ABHD2: variants seen among roughly 807,000 people sequenced by gnomAD.
ABHD2 encodes the protein abhydrolase domain containing 2, acylglycerol lipase, also known as monoacylglycerol lipase ABHD2.
In ABHD2, 20 loss-of-function variants were observed where a neutral mutation model predicts 48.1. The observed-to-expected ratio is 0.42, with a 90% CI of 0.29 to 0.60. The LOEUF (loss-of-function observed/expected upper bound fraction) is 0.60. ABHD2 is among the 20% of genes least tolerant of loss of function. The pLI is 0.24. For synonymous variants in ABHD2, 209 were observed against 214.2 expected, an observed-to-expected ratio of 0.98 and a Z score of 0.21; for missense variants, 405 against 550.9, an observed-to-expected ratio of 0.74 and a Z score of 2.65.
At position 89,181,042 on chromosome 15, in the gene ABHD2, A is replaced by G. The variant is rs1427976211; in HGVS notation, c.723-4382A>G. ...GGAGTTTGAGACCAGCCTGACCAACATGGTGAAACACCACCTCTACTAGAA... is the reference window on the plus strand; with the variant it reads ...GGAGTTTGAGACCAGCCTGACCAACGTGGTGAAACACCACCTCTACTAGAA... On this transcript the variant is annotated intron_variant, in intron 6 of 10. Transcript: ENST00000352732. Among the ~76,000 whole-genome samples the G allele has an allele frequency of 3.3e-5, 5 of 152,062 alleles. No individual in the cohort carries two copies. In the South Asian group the frequency reaches 6.2e-4, roughly 19 times the overall value.
rs1191183729 is a variant in ABHD2, at chr15:89,168,379, C to T, written c.539-7433C>T. Among the ~76,000 whole-genome samples the T allele has an allele frequency of 1.3e-5, 2 of 152,214 alleles. No homozygotes were observed. Among genetic ancestry groups the T allele is most frequent in the African/African-American group, 4.8e-5 (2 of 41,466 alleles). On this transcript the variant is annotated intron_variant, in intron 5 of 10. Coordinates refer to ENST00000352732, the MANE Select transcript of ABHD2 (RefSeq NM_152924.5). The surrounding 1 kb of genome is among the most constrained non-coding windows in gnomAD (Gnocchi z 4.8). ...AAATACATAGAGCCTCATTTAAAAA[C>T]AGATTAATGTAGCTGTTAGTAATAA... is the stretch of plus-strand genomic sequence containing the variant.
At chr15:89,165,192 G>A (rs1022459379) in intron 5 of ABHD2, among the ~76,000 whole-genome samples, 2 of 152,154 alleles carry the variant, frequency 1.3e-5, no homozygotes, top group Non-Finnish European at 2.9e-5. Flanking sequence ...CACGCCTCCA[G>A]CTCAAAGCCA....
chr15:89,049,496 C>A, the ABHD2 span, among the ~76,000 whole-genome samples: 1 of 152,210 alleles, frequency 6.6e-6, no homozygotes, highest in Non-Finnish European at 1.5e-5. Flanking sequence ...GCCTCGCTGC[C>A]GCCTTGCAGT....
intron 3 of ABHD2, among the ~76,000 whole-genome samples, chr15:89,130,395 T>A (rs1037814401): frequency 2.0e-5 from 3 of 152,222 alleles, no homozygotes; most frequent in Non-Finnish European, 4.4e-5. Flanking sequence ...ACACTGGCTC[T>A]TACAGGCTGC....
intron 10 of ABHD2, among the ~76,000 whole-genome samples, chr15:89,193,608 G>T (rs7178662): frequency 0.39 from 59,667 of 151,986 alleles, 12,033 homozygotes; most frequent in African/African-American, 0.44. Flanking sequence ...TTATCTCAGG[G>T]TTAGGGTTCC....
At chr15:89,142,764 G>A (rs144610394) in intron 3 of ABHD2, among the ~76,000 whole-genome samples, 9 of 152,136 alleles carry the variant, frequency 5.9e-5, no homozygotes, top group African/African-American at 9.6e-5. Flanking sequence ...AGCTCATATC[G>A]TCACATTTAT....
intron 3 of ABHD2, among the ~76,000 whole-genome samples, chr15:89,144,145 T>G (rs1428571972): frequency 6.6e-6 from 1 of 152,210 alleles, no homozygotes; most frequent in Non-Finnish European, 1.5e-5. Flanking sequence ...CTTTTTTCTT[T>G]TTTTTTGAGA....
At chr15:89,117,677 A>G (rs1438193967) in intron 3 of ABHD2, among the ~76,000 whole-genome samples, 3 of 152,226 alleles carry the variant, frequency 2.0e-5, no homozygotes, top group African/African-American at 4.8e-5. Context: ...GCAGTTGCTA[A>G]GACCCAGTGG....
rs1393426370 is a variant in ABHD2 at position 89,174,202 on chromosome 15, A to G, written c.539-1610A>G. 6.6e-6 allele frequency among the ~76,000 whole-genome samples: 1 copy of G among 152,206 alleles called. No homozygotes were observed. The highest frequency in any genetic ancestry group is 1.5e-5 in the Non-Finnish European group (1 of 68,040). The stretch of plus-strand genomic sequence containing the variant: ...GTATTGATGCATAATATTGCCAGAC[A>G]TATTGTAAAGGGAAAAAAAGAGCCA... On this transcript the variant is annotated intron_variant, in intron 5 of 10. Transcript: ENST00000352732. The surrounding 1 kb of genome is among the most constrained non-coding windows in gnomAD (Gnocchi z 4.1).
At chr15:89,181,400 G>A (rs1484431072) in intron 6 of ABHD2, among the ~76,000 whole-genome samples, 1 of 152,050 alleles carries the variant, frequency 6.6e-6, no homozygotes, top group Non-Finnish European at 1.5e-5. Context: ...AGTACTTAAT[G>A]TACTTTATTC....
At chr15:89,117,423 T>G (rs1461062410) in intron 3 of ABHD2, among the ~76,000 whole-genome samples, 2 of 152,238 alleles carry the variant, frequency 1.3e-5, no homozygotes, top group Non-Finnish European at 2.9e-5. Flanking sequence ...GTGTCACACA[T>G]ACTGTTTTCA....
At chr15:89,111,020 T>C (rs2049867140) in intron 1 of ABHD2, among the ~76,000 whole-genome samples, 1 of 152,246 alleles carries the variant, frequency 6.6e-6, no homozygotes, top group African/African-American at 2.4e-5. Flanking sequence ...TCTTTCCATT[T>C]TGGAAACCAT....
chr15:89,140,790 C>A (rs569323181), intron 3 of ABHD2, among the ~76,000 whole-genome samples: 2 of 152,212 alleles, frequency 1.3e-5, no homozygotes, highest in African/African-American at 2.4e-5. Flanking sequence ...TTTTGTTTTC[C>A]ATTTCCTTTG....
rs2050966545 is a variant in ABHD2 at position 89,173,764 on chromosome 15, C to G, written c.539-2048C>G. On this transcript the variant is annotated intron_variant, in intron 5 of 10. Transcript: ENST00000352732. This position sits in a 1 kb window ranked among gnomAD's most constrained non-coding sequence, Gnocchi z 6.5. ...CAATTCAGCAACTCTTTATTGAAGG[C>G]CTGCAAACTGCCCCAGCCTCTGCTG... Among the ~76,000 whole-genome samples, 1 of 152,144 alleles carries G rather than the reference C, an allele frequency of 6.6e-6. No homozygotes were observed. Among genetic ancestry groups the G allele is most frequent in the Non-Finnish European group, 1.5e-5 (1 of 68,024 alleles).
chr15:89,065,027 A>G, the ABHD2 span, among the ~76,000 whole-genome samples: 1 of 152,106 alleles, frequency 6.6e-6, no homozygotes, highest in Non-Finnish European at 1.5e-5. Context: ...TCATATGAGT[A>G]TGTACATTCC....
chr15:89,170,343 C>T (rs577470359), intron 5 of ABHD2, among the ~76,000 whole-genome samples: 95 of 151,922 alleles, frequency 6.3e-4, no homozygotes, highest in African/African-American at 2.1e-3. Context: ...ATGATCCACC[C>T]GCCTCAGCCT....
At chr15:89,052,920 A>G in the ABHD2 span, among the ~76,000 whole-genome samples, 1 of 151,486 alleles carries the variant, frequency 6.6e-6, no homozygotes, top group East Asian at 1.9e-4. Context: ...GTCTTAGACT[A>G]GACCTATGAA....
At chr15:89,050,027 C>G in the ABHD2 span, among the ~76,000 whole-genome samples, 1 of 152,152 alleles carries the variant, frequency 6.6e-6, no homozygotes, top group South Asian at 2.1e-4. Flanking sequence ...CCTTCCTGGA[C>G]TACATTTTCA....
Position 89,195,141 on chromosome 15 carries a change from G to A in ABHD2, c.1082-86G>A. ...TTAGGTGACCCTGCGGGGACAGCCAGGCTACCCTAGCCAGCTCACCTCTGC... is the reference window on the plus strand; with the variant it reads ...TTAGGTGACCCTGCGGGGACAGCCAAGCTACCCTAGCCAGCTCACCTCTGC... On this transcript the variant is annotated intron_variant, in intron 10 of 10. Coordinates refer to ENST00000352732, the MANE Select transcript of ABHD2 (RefSeq NM_152924.5). The surrounding 1 kb of genome is among the most constrained non-coding windows in gnomAD (Gnocchi z 5.1). The A allele has an allele frequency of 6.0e-6, 9 of 1,493,242 alleles. No homozygotes were observed. Among genetic ancestry groups the A allele is most frequent in the Non-Finnish European group, 8.1e-6 (9 of 1,108,244 alleles). 92.5% of individuals were successfully genotyped at this position (1,493,242 alleles called of 1,614,324 possible).
Sources: allele counts gnomAD v4.1 joint callset (sites outside exome capture counted in the v4.1 genomes callset), GRCh38; gene constraint gnomAD v4.1.1; non-coding constraint Gnocchi (gnomAD v3.1); transcripts MANE v1.5; gene names NCBI Gene and HGNC (gene_info 2026-07-23, HGNC 2026-07-21).